Variants in CNIH3 observed in about 807,000 individuals in gnomAD.
CNIH3 encodes cornichon family AMPA receptor auxiliary protein 3.
CNIH3 carries 14 observed loss-of-function variants against 24.1 expected under a neutral mutation model. That is an observed-to-expected ratio of 0.58 (90% CI 0.38 to 0.91). The LOEUF (loss-of-function observed/expected upper bound fraction) is 0.91, where lower values mean the gene tolerates loss of function less well. Ranked by LOEUF, CNIH3 falls within the 40% of genes least tolerant of loss-of-function variation. CNIH3 has a pLI of 0.00. For missense variants in CNIH3, 178 were observed against 196.8 expected, an observed-to-expected ratio of 0.90 and a Z score of 0.57; for synonymous variants, 68 against 73.8, an observed-to-expected ratio of 0.92 and a Z score of 0.40.
intron 1 of CNIH3, among the ~76,000 whole-genome samples, chr1:224,671,956 A>C (rs1271587740): frequency 6.6e-6 from 1 of 151,868 alleles, no homozygotes; most frequent in Admixed American, 6.5e-5. Context: ...AGACTTTAGG[A>C]CTCAAGGCTG....
chr1:224,658,912 A>T (rs1211579783), intron 1 of CNIH3, among the ~76,000 whole-genome samples: 5 of 152,242 alleles, frequency 3.3e-5, no homozygotes, highest in African/African-American at 1.2e-4. Context: ...ACGTTTACAT[A>T]AACCTTTCAT....
chr1:224,634,156 C>T (rs1398003614), intron 1 of CNIH3, among the ~76,000 whole-genome samples: 3 of 152,244 alleles, frequency 2.0e-5, no homozygotes, highest in Non-Finnish European at 2.9e-5. Flanking sequence ...GGAGGCAGTG[C>T]AGCATGCTTC....
intron 1 of CNIH3, among the ~76,000 whole-genome samples, chr1:224,450,436 C>T (rs1005899779): frequency 6.6e-6 from 1 of 152,108 alleles, no homozygotes; most frequent in African/African-American, 2.4e-5. Context: ...CAGGGGTACC[C>T]TTGAGGCTGA....
At chr1:224,517,475 T>TTTA (rs1678440744) in intron 1 of CNIH3, among the ~76,000 whole-genome samples, 1 of 151,944 alleles carries the variant, frequency 6.6e-6, no homozygotes, top group Non-Finnish European at 1.5e-5. Flanking sequence ...TTTTTTGTAG[T>TTTA]TTATTATTAT....
chr1:224,638,987 G>C (rs1009402296), intron 1 of CNIH3, among the ~76,000 whole-genome samples: 4 of 152,158 alleles, frequency 2.6e-5, no homozygotes, highest in African/African-American at 9.7e-5. Context: ...GGAGTCTCCT[G>C]TACATCCTTA....
At chr1:224,558,997 T>G (rs1680256139) in intron 3 of CNIH3, among the ~76,000 whole-genome samples, 1 of 152,236 alleles carries the variant, frequency 6.6e-6, no homozygotes, top group Non-Finnish European at 1.5e-5. Flanking sequence ...CCTGCCAGCT[T>G]ACCCATTAAT....
chr1:224,689,962 T>G (rs1157253876), intron 3 of CNIH3, among the ~76,000 whole-genome samples: 1 of 152,084 alleles, frequency 6.6e-6, no homozygotes, highest in Non-Finnish European at 1.5e-5. Flanking sequence ...GGAAGCATCC[T>G]GGAAGGCAGA....
chr1:224,558,156 G>A (rs1444667601), intron 3 of CNIH3, among the ~76,000 whole-genome samples: 1 of 152,056 alleles, frequency 6.6e-6, no homozygotes, highest in African/African-American at 2.4e-5. Context: ...GCTGGATTGG[G>A]GTCAACGATA....
chr1:224,565,616 C>G (rs1680547764), intron 3 of CNIH3: 1 of 152,500 alleles, frequency 6.6e-6, no homozygotes, highest in Admixed American at 6.5e-5. Flanking sequence ...TCATACTCCC[C>G]TCCCTCAGCC....
chr1:224,645,326 G>T (rs1168272206), intron 1 of CNIH3, among the ~76,000 whole-genome samples: 1 of 152,172 alleles, frequency 6.6e-6, no homozygotes, highest in Non-Finnish European at 1.5e-5. Flanking sequence ...AGGAGACTCA[G>T]CCCCCAAGAG....
intron 1 of CNIH3, among the ~76,000 whole-genome samples, chr1:224,645,021 A>G (rs1684535129): frequency 6.6e-6 from 1 of 152,222 alleles, no homozygotes; most frequent in African/African-American, 2.4e-5. Flanking sequence ...TATGGAAGGC[A>G]ATAGAGGCTG....
intron 1 of CNIH3, among the ~76,000 whole-genome samples, chr1:224,632,330 A>G (rs1001308268): frequency 6.6e-6 from 1 of 152,104 alleles, no homozygotes; most frequent in Non-Finnish European, 1.5e-5. Flanking sequence ...CATTGTGTCA[A>G]TAGCTTCTAA....
At chr1:224,601,283 G>T (rs750031965) in intron 3 of CNIH3, among the ~76,000 whole-genome samples, 21 of 152,178 alleles carry the variant, frequency 1.4e-4, no homozygotes, top group Non-Finnish European at 1.6e-4. Flanking sequence ...GGAAGGTGCT[G>T]CATGCAGAGT....
intron 4 of CNIH3, among the ~76,000 whole-genome samples, chr1:224,582,405 G>C (rs1448992690): frequency 1.3e-5 from 2 of 152,012 alleles, no homozygotes; most frequent in African/African-American, 4.8e-5. Context: ...CATAAAGATA[G>C]AAAAGAACAG....
chr1:224,665,076 A>C (rs571897695), intron 1 of CNIH3, among the ~76,000 whole-genome samples: 11 of 152,194 alleles, frequency 7.2e-5, no homozygotes, highest in African/African-American at 2.6e-4. Flanking sequence ...ATAATTTTTT[A>C]TAAGGTAGAG....
intron 4 of CNIH3, among the ~76,000 whole-genome samples, chr1:224,571,196 A>T (rs891207389): frequency 6.6e-6 from 1 of 152,302 alleles, no homozygotes; most frequent in Non-Finnish European, 1.5e-5. Flanking sequence ...GGGTTAACCC[A>T]TCAAATTTCC....
chr1:224,521,898 C>T (rs1334888766), intron 2 of CNIH3, among the ~76,000 whole-genome samples: 2 of 152,106 alleles, frequency 1.3e-5, no homozygotes, highest in East Asian at 3.8e-4. Context: ...AGATTACTGA[C>T]AGGAATGGTA....
chr1:224,715,980 T>G (rs1040593250), intron 3 of CNIH3, among the ~76,000 whole-genome samples: 4 of 152,136 alleles, frequency 2.6e-5, no homozygotes, highest in African/African-American at 9.7e-5. Context: ...ATATTTCTCC[T>G]CCCAATGCTG....
chr1:224,616,910 A>T lies in CNIH3; in HGVS notation c.-265A>T, dbSNP rs1683027173. On this transcript the variant is annotated 5_prime_UTR_variant, in exon 1 of 6. Transcript: ENST00000272133. ...CGCTGCTGATTTGGTTTCTTCTTCG[A>T]TTTGCGGACGGTTCCCTCCAGCGAC... The T allele has an allele frequency of 7.7e-7, 1 of 1,304,904 alleles. No individual in the cohort carries two copies. Among genetic ancestry groups the T allele is most frequent in the Non-Finnish European group, 9.7e-7 (1 of 1,030,004 alleles). The allele number at this position is 1,304,904 out of a possible 1,614,324, so 80.8% of individuals were successfully genotyped here.
Sources: allele counts gnomAD v4.1 joint callset (sites outside exome capture counted in the v4.1 genomes callset), GRCh38; gene constraint gnomAD v4.1.1; transcripts MANE v1.5; gene names NCBI Gene and HGNC (gene_info 2026-07-23, HGNC 2026-07-21).